The following VRTN variants were observed in gnomAD, a reference collection of about 807,000 sequenced individuals.
VRTN encodes vertebrae development associated, also known as vertnin.
VRTN carries 5 observed loss-of-function variants against 18.2 expected under a neutral mutation model. That is an observed-to-expected ratio of 0.27 (90% confidence interval 0.14 to 0.58). The LOEUF (loss-of-function observed/expected upper bound fraction) is 0.58. Ranked by LOEUF, VRTN falls within the 20% of genes least tolerant of loss-of-function variation. The pLI is 0.91. For missense variants in VRTN, 741 were observed against 939.4 expected, an observed-to-expected ratio of 0.79 and a Z score of 2.76; for synonymous variants, 381 against 393.7, an observed-to-expected ratio of 0.97 and a Z score of 0.38.
At chr14:74,303,439 T>G (rs1177796300) in intron 1 of VRTN, among the ~76,000 whole-genome samples, 4 of 152,054 alleles carry the variant, frequency 2.6e-5, no homozygotes, top group African/African-American at 7.2e-5. Context: ...TGGTCCGAGC[T>G]ACTCTGGAGG....
At chr14:74,340,732 T>C (rs1248409912) in intron 2 of VRTN, among the ~76,000 whole-genome samples, 1 of 152,210 alleles carries the variant, frequency 6.6e-6, no homozygotes, top group East Asian at 1.9e-4. Flanking sequence ...AATGATGAAT[T>C]ATATGAAATA....
Position 74,318,012 on chromosome 14 carries a change from C to T in VRTN, c.-164+14836C>T, listed in dbSNP as rs1030274242. Among the ~76,000 whole-genome samples the T allele has an allele frequency of 2.0e-5, 3 of 151,784 alleles. No individual in the cohort carries two copies. The East Asian group carries it at 5.8e-4, about 29-fold the overall frequency. On this transcript the variant is annotated intron_variant, in intron 1 of 2. Transcript: ENST00000557177. ...CAAGCAACTGTAGTCCAGGCTATTA[C>T]GGAGGCTGAGGCAAGAGGATTGCTT...
intron 1 of VRTN, among the ~76,000 whole-genome samples, chr14:74,320,992 T>C (rs1438524596): frequency 6.7e-6 from 1 of 150,026 alleles, no homozygotes; most frequent in Non-Finnish European, 1.5e-5. Flanking sequence ...TGGATAAGGA[T>C]TGAGAATTGC....
chr14:74,327,173 G>C (rs1271724826), intron 1 of VRTN, among the ~76,000 whole-genome samples: 2 of 152,106 alleles, frequency 1.3e-5, no homozygotes, highest in Non-Finnish European at 2.9e-5. Context: ...AACAATGGTA[G>C]GTGCGTCGCA....
chr14:74,313,749 G>A (rs1338998663), intron 1 of VRTN, among the ~76,000 whole-genome samples: 2 of 152,196 alleles, frequency 1.3e-5, no homozygotes, highest in Non-Finnish European at 2.9e-5. Flanking sequence ...GGTAAGCTGA[G>A]ACAGGAAGAT....
rs769535334 is a variant in VRTN, at chr14:74,358,512, G to A, written c.1729G>A (p.Glu577Lys). ...KGGQEAEEKQ[E>K]KEAGRDVTAV... ...GGGGCAGGAGGCTGAGGAGAAGCAG[G>A]AGAAGGAGGCTGGCAGGGATGTGAC... The change falls in exon 2 of 2, where the codon GAG becomes AAG. Residue 577 changes from glutamate (E) to lysine (K), a missense_variant. Glu to Lys is a moderately conservative substitution (Grantham distance 56). Transcript: ENST00000256362. This position sits in a 1 kb window ranked among gnomAD's most constrained non-coding sequence, Gnocchi z 5.4. 1 of 1,612,684 alleles carries A rather than the reference G, an allele frequency of 6.2e-7. No individual in the cohort carries two copies. The highest frequency in any genetic ancestry group is 1.7e-5 in the Admixed American group (1 of 59,976).
chr14:74,307,160 T>TTCC (rs774574033), intron 1 of VRTN, among the ~76,000 whole-genome samples: 2 of 146,316 alleles, frequency 1.4e-5, no homozygotes, highest in Non-Finnish European at 3.0e-5. Flanking sequence ...TTTTTTTTTT[T>TTCC]GAGATGGAGT....
chr14:74,314,386 A>C (rs2140193416), intron 1 of VRTN, among the ~76,000 whole-genome samples: 1 of 145,906 alleles, frequency 6.9e-6, no homozygotes, highest in Admixed American at 7.3e-5. Context: ...CTCAAGAAAA[A>C]AACTGTTCTT....
chr14:74,308,796 G>A (rs1286404091), intron 1 of VRTN, among the ~76,000 whole-genome samples: 3 of 152,006 alleles, frequency 2.0e-5, no homozygotes, highest in Admixed American at 6.6e-5. Context: ...GATTACAGGC[G>A]CGAGCCACTG....
intron 1 of VRTN, among the ~76,000 whole-genome samples, chr14:74,330,018 C>T (rs1344552382): frequency 2.6e-5 from 4 of 151,766 alleles, no homozygotes; most frequent in Admixed American, 1.3e-4. Flanking sequence ...ATTACAGGCA[C>T]GTGTCACCAT....
chr14:74,353,803 A>G (rs551165715), intron 1 of VRTN, among the ~76,000 whole-genome samples: 1 of 152,030 alleles, frequency 6.6e-6, no homozygotes, highest in African/African-American at 2.4e-5. Flanking sequence ...GCTCACTGTA[A>G]GCTCCGCCTC....
intron 1 of VRTN, chr14:74,306,421 A>C (rs1199100546): frequency 6.6e-6 from 1 of 151,942 alleles, no homozygotes; most frequent in South Asian, 2.1e-4. Flanking sequence ...TCCTAGGCTC[A>C]AGTGATCCTC....
intron 1 of VRTN, among the ~76,000 whole-genome samples, chr14:74,318,957 G>T (rs1167771471): frequency 1.4e-5 from 2 of 147,184 alleles, no homozygotes; most frequent in Non-Finnish European, 3.0e-5. Flanking sequence ...TCAAGTGATC[G>T]ACCTGCCTCG....
chr14:74,325,022 A>G (rs2085480006), intron 1 of VRTN, among the ~76,000 whole-genome samples: 1 of 152,146 alleles, frequency 6.6e-6, no homozygotes, highest in African/African-American at 2.4e-5. Context: ...ATCCTTCCAG[A>G]AACCAGTAGG....
intron 2 of VRTN, among the ~76,000 whole-genome samples, chr14:74,340,259 T>G (rs1049047421): frequency 6.6e-6 from 1 of 152,132 alleles, no homozygotes; most frequent in African/African-American, 2.4e-5. Context: ...ATTATAGGCA[T>G]GTGCCACCAC....
At chr14:74,307,382 C>T (rs566773555) in intron 1 of VRTN, among the ~76,000 whole-genome samples, 1 of 152,002 alleles carries the variant, frequency 6.6e-6, no homozygotes, top group East Asian at 1.9e-4. Context: ...CACGCGCCTC[C>T]ACCTCCCCAA....
chr14:74,347,491 T>C (rs560402418), upstream of VRTN, among the ~76,000 whole-genome samples: 2 of 152,316 alleles, frequency 1.3e-5, no homozygotes, highest in South Asian at 4.1e-4. Flanking sequence ...ATAGTGGAGC[T>C]GGAGCATAAT....
chr14:74,349,967 G>T (rs999714), intron 1 of VRTN, among the ~76,000 whole-genome samples: 3,092 of 152,236 alleles, frequency 0.02, 54 homozygotes, highest in Non-Finnish European at 0.031. Flanking sequence ...TACCTTTTCA[G>T]ATCACTTCCA....
intron 1 of VRTN, among the ~76,000 whole-genome samples, chr14:74,311,063 A>T (rs1443827954): frequency 3.3e-5 from 5 of 152,192 alleles, no homozygotes; most frequent in Non-Finnish European, 7.3e-5. Flanking sequence ...GGAATAAACA[A>T]GTTAATAGAT....
Sources: allele counts gnomAD v4.1 joint callset (sites outside exome capture counted in the v4.1 genomes callset), GRCh38; gene constraint gnomAD v4.1.1; non-coding constraint Gnocchi (gnomAD v3.1); transcripts MANE v1.5; gene names NCBI Gene and HGNC (gene_info 2026-07-23, HGNC 2026-07-21).